The following DDAH1 variants were observed in gnomAD, a reference collection of about 807,000 sequenced individuals.
DDAH1 encodes N(G),N(G)-dimethylarginine dimethylaminohydrolase 1.
A neutral mutation model predicts 28.8 loss-of-function variants in DDAH1; 19 were observed. The observed-to-expected ratio is 0.66, with a 90% confidence interval of 0.46 to 0.97. The LOEUF is 0.97. DDAH1 is among the 50% of genes least tolerant of loss of function. The probability of loss-of-function intolerance (pLI) is 0.00; values close to 1 mark genes in which losing one functional copy is unlikely to be tolerated. For missense variants in DDAH1, 326 were observed against 375.9 expected (o/e 0.87, Z 1.10); for synonymous variants, 153 against 154.4 (o/e 0.99, Z 0.07).
At chr1:85,525,038 CTATAGAAAATATAGTAGGTATGAAA>C (rs1202092848) in intron 1 of DDAH1, among the ~76,000 whole-genome samples, 4 of 138,866 alleles carry the variant, frequency 2.9e-5, no homozygotes, top group Admixed American at 7.3e-5. Flanking sequence ...GAAATGAATG[CTATAGAAAATATAGTAGGTATGAAA>C]TATAGAAAAT....
At chr1:85,565,705 G>C (rs747789383) in intron 1 of DDAH1, among the ~76,000 whole-genome samples, 21 of 152,132 alleles carry the variant, frequency 1.4e-4, no homozygotes, top group Non-Finnish European at 2.6e-4. Flanking sequence ...CTAAACAAAG[G>C]AATAAGGAGC....
Position 85,464,527 on chromosome 1 carries a change from G to A in DDAH1, c.303+216C>T, listed in dbSNP as rs887506032. Reference sequence around the variant, plus strand: ...GAGACCGTACAACCACATTGAATCGGATCCTCCAGAAGGCTGCCGGCAGCC... The same window carrying A: ...GAGACCGTACAACCACATTGAATCGAATCCTCCAGAAGGCTGCCGGCAGCC... On this transcript the variant is annotated intron_variant, in intron 1 of 5. Coordinates refer to ENST00000284031, the MANE Select transcript of DDAH1 (RefSeq NM_012137.4). This position sits in a 1 kb window ranked among gnomAD's most constrained non-coding sequence, Gnocchi z 4.4. 4.6e-6 allele frequency: 7 copies of A among 1,529,092 alleles called. No homozygotes were observed. Among genetic ancestry groups the A allele is most frequent in the African/African-American group, 1.4e-5 (1 of 72,798 alleles). 94.7% of individuals were successfully genotyped at this position (1,529,092 alleles called of 1,614,324 possible).
intron 1 of DDAH1, among the ~76,000 whole-genome samples, chr1:85,555,651 T>G (rs78667804): frequency 1.8e-4 from 28 of 152,320 alleles, no homozygotes; most frequent in African/African-American, 6.7e-4. Flanking sequence ...TCAGAGTGGC[T>G]GATCGACCCA....
chr1:85,364,743 C>T (rs1283981783), intron 1 of DDAH1, among the ~76,000 whole-genome samples: 1 of 152,066 alleles, frequency 6.6e-6, no homozygotes, highest in Non-Finnish European at 1.5e-5. Context: ...GGGGTTTCAC[C>T]CTGTTGGCCA....
At chr1:85,406,708 T>C (rs758863715) in intron 1 of DDAH1, among the ~76,000 whole-genome samples, 5 of 152,164 alleles carry the variant, frequency 3.3e-5, no homozygotes, top group Non-Finnish European at 5.9e-5. Flanking sequence ...TGAGAACACG[T>C]AAAAATATAC....
chr1:85,507,589 A>T (rs1657063905), intron 1 of DDAH1, among the ~76,000 whole-genome samples: 2 of 152,170 alleles, frequency 1.3e-5, no homozygotes, highest in Non-Finnish European at 2.9e-5. Context: ...CAATGTCATT[A>T]TCATTTCTAA....
chr1:85,389,387 T>G (rs1300339993), intron 1 of DDAH1, among the ~76,000 whole-genome samples: 1 of 152,220 alleles, frequency 6.6e-6, no homozygotes, highest in Non-Finnish European at 1.5e-5. Context: ...ATTTACTAAC[T>G]ATTAAATTTT....
At chr1:85,357,733 C>G (rs571633723) in intron 2 of DDAH1, among the ~76,000 whole-genome samples, 1 of 152,298 alleles carries the variant, frequency 6.6e-6, no homozygotes, top group African/African-American at 2.4e-5. Flanking sequence ...TAAATTCTCA[C>G]TATAAATTAA....
intron 1 of DDAH1, among the ~76,000 whole-genome samples, chr1:85,517,641 A>C (rs2100758172): frequency 6.6e-6 from 1 of 152,190 alleles, no homozygotes; most frequent in East Asian, 1.9e-4. Flanking sequence ...AGCTAAAGCA[A>C]AGGTTTTGAA....
At chr1:85,513,345 T>A (rs1204919913) in intron 1 of DDAH1, among the ~76,000 whole-genome samples, 1 of 152,122 alleles carries the variant, frequency 6.6e-6, no homozygotes. Flanking sequence ...TATACAAAAA[T>A]TAACTCAAGA....
intron 3 of DDAH1, among the ~76,000 whole-genome samples, chr1:85,351,208 T>G (rs1557505832): frequency 1.3e-5 from 2 of 152,106 alleles, no homozygotes; most frequent in Non-Finnish European, 2.9e-5. Flanking sequence ...CCAGATTTTT[T>G]TTTAAGTTGT....
In DDAH1 at chr1:85,574,476, T is replaced by C. The variant is rs941151507; in HGVS notation, c.-123+3508A>G. On this transcript the variant is annotated intron_variant, in intron 1 of 6. Transcript: ENST00000426972. ...TGATTGTTATGCCCAGTCAAGGCCT[T>C]GTTCCCTTCCTCTCAAATGTCCTGC... Among the ~76,000 whole-genome samples the C allele has an allele frequency of 7.2e-5, 11 of 152,318 alleles. No individual in the cohort carries two copies. The East Asian group carries it at 1.9e-3, about 27-fold the overall frequency.
At chr1:85,453,932 G>A (rs1215528655) in intron 1 of DDAH1, among the ~76,000 whole-genome samples, 1 of 152,168 alleles carries the variant, frequency 6.6e-6, no homozygotes, top group Non-Finnish European at 1.5e-5. Flanking sequence ...TTGAACACAT[G>A]CTGGGGTTAA....
chr1:85,366,972 G>C (rs545398765), intron 1 of DDAH1, among the ~76,000 whole-genome samples: 4 of 152,160 alleles, frequency 2.6e-5, no homozygotes, highest in South Asian at 2.1e-4. Context: ...AGAGACGTCA[G>C]GCTCTGCTTA....
At chr1:85,421,112 A>C (rs996517192) in intron 1 of DDAH1, among the ~76,000 whole-genome samples, 6 of 152,202 alleles carry the variant, frequency 3.9e-5, no homozygotes, top group African/African-American at 9.6e-5. Flanking sequence ...GGACAGCACC[A>C]AGGAGATGGT....
intron 1 of DDAH1, among the ~76,000 whole-genome samples, chr1:85,400,370 T>G (rs1310636141): frequency 2.0e-5 from 3 of 151,630 alleles, no homozygotes; most frequent in Non-Finnish European, 4.4e-5. Context: ...TTTGTTGTTG[T>G]TTTTTGTATT....
intron 1 of DDAH1, among the ~76,000 whole-genome samples, chr1:85,536,427 C>T (rs1302965154): frequency 6.6e-6 from 1 of 151,806 alleles, no homozygotes; most frequent in Non-Finnish European, 1.5e-5. Flanking sequence ...GGGGCACATG[C>T]CTGTAATCCC....
intron 1 of DDAH1, among the ~76,000 whole-genome samples, chr1:85,463,525 G>A (rs184892597): frequency 8.1e-4 from 124 of 152,292 alleles, no homozygotes; most frequent in Admixed American, 3.1e-3. Context: ...GACATCAAAG[G>A]GCTAGCAGAG....
intron 1 of DDAH1, among the ~76,000 whole-genome samples, chr1:85,449,104 A>G (rs1360273000): frequency 1.3e-5 from 2 of 152,326 alleles, no homozygotes; most frequent in East Asian, 1.9e-4. Flanking sequence ...ATGGCCCAAT[A>G]GCACAAGGCC....
Sources: gnomAD v4.1 joint callset for allele counts (sites outside exome capture counted in the v4.1 genomes callset) on GRCh38, gnomAD v4.1.1 for gene constraint, Gnocchi (gnomAD v3.1) non-coding constraint, MANE v1.5 for transcripts, NCBI Gene and HGNC (gene_info 2026-07-23, HGNC 2026-07-21) for gene names.